Variants in UBE2H observed in about 807,000 individuals in gnomAD.
The protein encoded by UBE2H is ubiquitin conjugating enzyme E2 H, also known as ubiquitin-conjugating enzyme E2 H.
Under a neutral mutation model 29.0 loss-of-function variants are expected in UBE2H, and 3 were observed. The ratio of observed to expected loss-of-function variants is 0.10; its 90% CI spans 0.05 to 0.27. The LOEUF (loss-of-function observed/expected upper bound fraction) is 0.27, where lower values mean the gene tolerates loss of function less well. Ranked by LOEUF, UBE2H falls within the 10% of genes least tolerant of loss-of-function variation. The probability of loss-of-function intolerance (pLI) is 1.00; values close to 1 mark genes in which losing one functional copy is unlikely to be tolerated. For missense variants in UBE2H, 68 were observed against 228.2 expected, an observed-to-expected ratio of 0.30 and a Z score of 4.52; for synonymous variants, 69 against 82.9, an observed-to-expected ratio of 0.83 and a Z score of 0.91.
intron 5 of UBE2H, among the ~76,000 whole-genome samples, chr7:129,842,748 C>CA (rs1236149383): frequency 1.3e-5 from 2 of 150,230 alleles, no homozygotes; most frequent in Non-Finnish European, 3.0e-5. Context: ...ACTAAAAATA[C>CA]AAAAATTAGC....
At chr7:129,933,601 T>TG (rs1223785887) in intron 1 of UBE2H, among the ~76,000 whole-genome samples, 1 of 152,144 alleles carries the variant, frequency 6.6e-6, no homozygotes, top group African/African-American at 2.4e-5. Flanking sequence ...ACGTTACATG[T>TG]GGGAAAATGA....
chr7:129,858,735 T>C lies in UBE2H; in HGVS notation c.245+167A>G, dbSNP rs117330101. On this transcript the variant is annotated intron_variant, in intron 4 of 6. Transcript: ENST00000355621. ...GTACAACAGCAGAATGTGAACTAAG[T>C]GATTGAGAACCTCATATCCTTTGGA... 6.7e-4 allele frequency among the ~76,000 whole-genome samples: 102 copies of C among 152,276 alleles called. 2 individuals are homozygous for C. The highest frequency in any genetic ancestry group is 1.3e-3 in the Non-Finnish European group (88 of 68,024).
At chr7:129,911,969 T>C (rs1806946767) in intron 1 of UBE2H, among the ~76,000 whole-genome samples, 2 of 151,990 alleles carry the variant, frequency 1.3e-5, no homozygotes, top group African/African-American at 2.4e-5. Flanking sequence ...GCAAAGGATG[T>C]GTTATGTGAA....
chr7:129,933,597 C>T (rs1584795413), intron 1 of UBE2H, among the ~76,000 whole-genome samples: 1 of 152,170 alleles, frequency 6.6e-6, no homozygotes, highest in South Asian at 2.1e-4. Context: ...ACACACGTTA[C>T]ATGTGGGAAA....
At chr7:129,858,417 A>C (rs1805744532) in intron 4 of UBE2H, among the ~76,000 whole-genome samples, 1 of 152,220 alleles carries the variant, frequency 6.6e-6, no homozygotes. Flanking sequence ...CAGCACTAGA[A>C]GTATAAAACA....
chr7:129,934,759 A>G (rs1349115004), intron 1 of UBE2H, among the ~76,000 whole-genome samples: 2 of 151,282 alleles, frequency 1.3e-5, no homozygotes, highest in Non-Finnish European at 2.9e-5. Flanking sequence ...GAAAATATAT[A>G]TAAAAAAATA....
At chr7:129,919,696 C>A (rs553940306) in intron 1 of UBE2H, among the ~76,000 whole-genome samples, 32 of 152,220 alleles carry the variant, frequency 2.1e-4, no homozygotes, top group Non-Finnish European at 4.4e-4. Flanking sequence ...TTGCCACTCA[C>A]TGGGAGACAA....
intron 1 of UBE2H, among the ~76,000 whole-genome samples, chr7:129,909,982 G>A (rs1035448873): frequency 3.2e-4 from 49 of 151,922 alleles, no homozygotes; most frequent in African/African-American, 1.2e-3. Context: ...ATAGAGGGGG[G>A]GTGATTCAAG....
At chr7:129,932,171 T>TGC (rs1312162128) in intron 1 of UBE2H, among the ~76,000 whole-genome samples, 1 of 150,928 alleles carries the variant, frequency 6.6e-6, no homozygotes, top group African/African-American at 2.4e-5. Context: ...TTGCCCAGGC[T>TGC]GGAGTGCAGT....
At chr7:129,854,060 G>GTTTTTTTTTGTTTTTTTTTTTTT (rs1554430937) in intron 5 of UBE2H, among the ~76,000 whole-genome samples, 1 of 100,312 alleles carries the variant, frequency 1.0e-5, no homozygotes, top group African/African-American at 4.0e-5. Context: ...TTTAGTGTTA[G>GTTTTTTTTTGTTTTTTTTTTTTT]TTTTTTTTTT....
At chr7:129,926,765 G>A (rs572293728) in intron 1 of UBE2H, among the ~76,000 whole-genome samples, 1 of 152,220 alleles carries the variant, frequency 6.6e-6, no homozygotes, top group South Asian at 2.1e-4. Flanking sequence ...ACTGATAAGT[G>A]ATCACACCTC....
Position 129,839,344 on chromosome 7 carries a change from C to T in UBE2H, c.299-9G>A, listed in dbSNP as rs750390000. On this transcript the variant is annotated splice_polypyrimidine_tract_variant and intron_variant, in intron 5 of 6. Coordinates refer to ENST00000355621, the MANE Select transcript of UBE2H (RefSeq NM_003344.4). ...AAATATATTGGTAAGATCTGAAAAA[C>T]CAAACAAACATGTCACACATGGGAA... is the stretch of plus-strand genomic sequence containing the variant. The T allele has an allele frequency of 1.2e-6, 2 of 1,612,548 alleles. No individual in the cohort carries two copies. The highest frequency in any genetic ancestry group is 2.2e-5 in the South Asian group (2 of 90,710).
chr7:129,851,351 T>C (rs1268934707), intron 5 of UBE2H, among the ~76,000 whole-genome samples: 1 of 152,234 alleles, frequency 6.6e-6, no homozygotes, highest in Non-Finnish European at 1.5e-5. Flanking sequence ...GATTTGTTAT[T>C]AACCTTCCAG....
At chr7:129,921,413 T>C (rs1807158988) in intron 1 of UBE2H, among the ~76,000 whole-genome samples, 1 of 152,020 alleles carries the variant, frequency 6.6e-6, no homozygotes, top group Non-Finnish European at 1.5e-5. Context: ...TAAAAGCTGA[T>C]TTTGCCGGGC....
intron 3 of UBE2H, among the ~76,000 whole-genome samples, chr7:129,864,643 A>G (rs938494294): frequency 2.0e-4 from 28 of 141,816 alleles, no homozygotes; most frequent in African/African-American, 6.8e-4. Context: ...CCTCCACCTC[A>G]CGGGTTCAAG....
chr7:129,839,424 T>C (rs1805387285), intron 5 of UBE2H, 89 bp from the exon 6 acceptor site: 1 of 1,567,626 alleles, frequency 6.4e-7, no homozygotes, highest in East Asian at 2.3e-5. Context: ...CTTACCTTCT[T>C]AGATATTCAC....
chr7:129,843,287 C>T (rs188494442), intron 5 of UBE2H, among the ~76,000 whole-genome samples: 3 of 152,270 alleles, frequency 2.0e-5, no homozygotes, highest in Admixed American at 2.0e-4. Flanking sequence ...GAGTGAGCCA[C>T]TGCGCCCGGC....
At chr7:129,886,406 G>A (rs559024332) in intron 1 of UBE2H, among the ~76,000 whole-genome samples, 1 of 152,296 alleles carries the variant, frequency 6.6e-6, no homozygotes, top group African/African-American at 2.4e-5. Flanking sequence ...TTGGCAAAAT[G>A]TGTCTGTCAG....
rs904804129 is a variant in UBE2H at position 129,831,963 on chromosome 7, G to C, written c.*2974C>G. On this transcript the variant is annotated 3_prime_UTR_variant, in exon 7 of 7. Transcript: ENST00000355621. Reference sequence around the variant, plus strand: ...ACTAAAAAGGGGAGGGAAACCGCCAGAAGTGGCTCTGACCTGCTGCCGCTG... The same window carrying C: ...ACTAAAAAGGGGAGGGAAACCGCCACAAGTGGCTCTGACCTGCTGCCGCTG... 6 of 152,386 alleles carry C rather than the reference G, an allele frequency of 3.9e-5. No individual in the cohort carries two copies. Among genetic ancestry groups the C allele is most frequent in the Admixed American group, 6.5e-5 (1 of 15,286 alleles). 9.4% of individuals were successfully genotyped at this position (152,386 alleles called of 1,614,324 possible). A position where few individuals can be genotyped will look rare whatever the true frequency, so the allele number is the denominator to read the frequency against.
Sources: gnomAD v4.1 joint callset for allele counts (sites outside exome capture counted in the v4.1 genomes callset) on GRCh38, gnomAD v4.1.1 for gene constraint, MANE v1.5 for transcripts, NCBI Gene and HGNC (gene_info 2026-07-23, HGNC 2026-07-21) for gene names.